Variants in CERT1 observed in about 807,000 individuals in gnomAD.
CERT1 encodes ceramide transporter 1.
In CERT1, 31 loss-of-function variants were observed where a neutral mutation model predicts 87.9. The ratio of observed to expected loss-of-function variants is 0.35; its 90% CI spans 0.27 to 0.48. The LOEUF is 0.48. Ranked by LOEUF, CERT1 falls within the 20% of genes least tolerant of loss-of-function variation. CERT1 has a pLI of 0.99. For missense variants in CERT1, 487 were observed against 758.0 expected (o/e 0.64, Z 4.20); for synonymous variants, 289 against 250.9 (o/e 1.15, Z -1.44).
intron 8 of CERT1, among the ~76,000 whole-genome samples, chr5:75,407,275 T>C (rs1410979507): frequency 1.3e-5 from 2 of 151,860 alleles, no homozygotes; most frequent in Non-Finnish European, 2.9e-5. Context: ...TCCAGATGTA[T>C]TAATATATTT....
At chr5:75,382,414 A>T (rs779190318) in intron 14 of CERT1, among the ~76,000 whole-genome samples, 4 of 152,172 alleles carry the variant, frequency 2.6e-5, no homozygotes, top group Admixed American at 2.6e-4. Context: ...TCATCATCCC[A>T]AACAGAAACT....
At chr5:75,449,417 G>A (rs531317109) in intron 3 of CERT1, among the ~76,000 whole-genome samples, 40 of 152,272 alleles carry the variant, frequency 2.6e-4, no homozygotes, top group Admixed American at 1.6e-3. Flanking sequence ...TGCAGGTAGC[G>A]TATTCTAAAT....
At position 75,381,524 on chromosome 5, in the gene CERT1, T is replaced by TA. The variant is rs779062129; in HGVS notation, c.1618-324dup. Among the ~76,000 whole-genome samples the TA allele has an allele frequency of 1.7e-3, 238 of 142,864 alleles. 1 individual carries two copies. Among genetic ancestry groups the TA allele is most frequent in the Middle Eastern group, 3.7e-3 (1 of 270 alleles). 93.7% of individuals were successfully genotyped at this position (142,864 alleles called of 152,430 possible). On this transcript the variant is annotated intron_variant, in intron 15 of 16. Transcript: ENST00000643780. ...GTGCACATCACCAGGCCTGGCTAAT[T>TA]AAAAAAAAAAAAAAAATTTTTTTTA...
downstream of CERT1, chr5:75,374,279 T>C (rs1225869315): frequency 4.5e-6 from 2 of 440,482 alleles, no homozygotes; most frequent in African/African-American, 2.0e-5. Flanking sequence ...AGAACAGAGT[T>C]CTCCCACCCT....
chr5:75,411,141 G>T, intron 7 of CERT1, 38 bp from the exon 8 acceptor site: 1 of 1,186,054 alleles, frequency 8.4e-7, no homozygotes, highest in Non-Finnish European at 1.2e-6. Flanking sequence ...ATTTGAGGCA[G>T]GCATTTTAAT....
intron 14 of CERT1, 23 bp from the exon 15 acceptor site, chr5:75,382,100 T>C: frequency 6.2e-7 from 1 of 1,604,140 alleles, no homozygotes; most frequent in Non-Finnish European, 8.5e-7. Flanking sequence ...AAAAATCTTT[T>C]GAAAAACAGA....
upstream of CERT1, chr5:75,511,762 C>A: frequency 3.2e-6 from 5 of 1,551,376 alleles, no homozygotes; most frequent in Non-Finnish European, 4.4e-6. Flanking sequence ...ACCCTACCTC[C>A]GGCTCTCCCG....
chr5:75,395,794 G>A (rs1762226742), intron 11 of CERT1, among the ~76,000 whole-genome samples: 1 of 152,050 alleles, frequency 6.6e-6, no homozygotes, highest in African/African-American at 2.4e-5. Context: ...AGGTTGCAGT[G>A]AGTTGAGATC....
At chr5:75,406,542 C>CTT (rs869232885) in intron 8 of CERT1, among the ~76,000 whole-genome samples, 228 of 139,422 alleles carry the variant, frequency 1.6e-3, no homozygotes, top group African/African-American at 5.5e-3. Context: ...TATGGTAAGT[C>CTT]TTTTTTTTTT....
intron 3 of CERT1, among the ~76,000 whole-genome samples, chr5:75,441,277 ATGCTC>A (rs1456138094): frequency 6.6e-6 from 1 of 152,212 alleles, no homozygotes; most frequent in Non-Finnish European, 1.5e-5. Flanking sequence ...TAGAAGCAAT[ATGCTC>A]TATCATATAG....
intron 3 of CERT1, among the ~76,000 whole-genome samples, chr5:75,428,677 C>CA (rs758851060): frequency 0.022 from 2,207 of 98,090 alleles, 46 homozygotes; most frequent in African/African-American, 0.066. Flanking sequence ...GACTCTGTCT[C>CA]AAAAAAAAAA....
intron 9 of CERT1, chr5:75,400,736 T>C (rs1762437109): frequency 1.9e-5 from 3 of 154,422 alleles, no homozygotes; most frequent in Non-Finnish European, 2.9e-5. Flanking sequence ...GCTTCAGTTA[T>C]GTTCCTAAGA....
chr5:75,457,299 CTCATT>C (rs1291747069), intron 3 of CERT1, among the ~76,000 whole-genome samples: 1 of 152,134 alleles, frequency 6.6e-6, no homozygotes, highest in Non-Finnish European at 1.5e-5. Flanking sequence ...TGCATATTAT[CTCATT>C]TATGTCTTAC....
intron 17 of CERT1, chr5:75,368,917 C>CA (rs1760986730): frequency 6.8e-6 from 1 of 146,420 alleles, no homozygotes; most frequent in Admixed American, 6.9e-5. Context: ...AAGTTGAAAA[C>CA]TTTTTTTTTT....
chr5:75,392,393 A>G (rs1180501884), intron 11 of CERT1, among the ~76,000 whole-genome samples: 1 of 152,252 alleles, frequency 6.6e-6, no homozygotes, highest in African/African-American at 2.4e-5. Flanking sequence ...AAAAAACTAA[A>G]GATTCTAATG....
chr5:75,476,142 CACAA>C (rs991517909), intron 2 of CERT1, among the ~76,000 whole-genome samples: 10 of 152,014 alleles, frequency 6.6e-5, no homozygotes, highest in South Asian at 4.1e-4. Flanking sequence ...AACATAAAAA[CACAA>C]ACAAAGGTGG....
intron 3 of CERT1, among the ~76,000 whole-genome samples, chr5:75,427,685 T>C (rs1273052822): frequency 6.6e-6 from 1 of 152,234 alleles, no homozygotes; most frequent in Non-Finnish European, 1.5e-5. Flanking sequence ...ATCATATCTA[T>C]CATGGTTTGA....
At chr5:75,449,566 T>C (rs1327047365) in intron 3 of CERT1, among the ~76,000 whole-genome samples, 2 of 152,236 alleles carry the variant, frequency 1.3e-5, no homozygotes, top group East Asian at 3.9e-4. Flanking sequence ...TCAATATGCA[T>C]CTGAGCAGAG....
chr5:75,393,020 TAA>T (rs991053021), intron 11 of CERT1, among the ~76,000 whole-genome samples: 1 of 76,666 alleles, frequency 1.3e-5, no homozygotes, highest in Non-Finnish European at 2.7e-5. Context: ...AAGGAAATAC[TAA>T]GTTTCATTAA....
Sources: gnomAD v4.1 joint callset for allele counts (sites outside exome capture counted in the v4.1 genomes callset) on GRCh38, gnomAD v4.1.1 for gene constraint, MANE v1.5 for transcripts, NCBI Gene and HGNC (gene_info 2026-07-23, HGNC 2026-07-21) for gene names.